The following PDE7A variants were observed in gnomAD, a reference collection of about 807,000 sequenced individuals.
The protein encoded by PDE7A is phosphodiesterase 7A.
Under a neutral mutation model 64.3 loss-of-function variants are expected in PDE7A, and 39 were observed. The observed-to-expected ratio is 0.61, with a 90% CI of 0.47 to 0.79. The LOEUF (loss-of-function observed/expected upper bound fraction) is 0.79. PDE7A is among the 30% of genes least tolerant of loss of function. The pLI is 0.00. For missense variants in PDE7A, 470 were observed against 582.8 expected (o/e 0.81, Z 1.99); for synonymous variants, 203 against 206.8 (o/e 0.98, Z 0.16).
chr8:65,807,414 G>A (rs888372822), intron 1 of PDE7A, among the ~76,000 whole-genome samples: 2 of 152,136 alleles, frequency 1.3e-5, no homozygotes, highest in Non-Finnish European at 1.5e-5. Flanking sequence ...ATTTATTAGT[G>A]CTAAAATTTC....
At position 65,745,461 on chromosome 8, in the gene PDE7A, C is replaced by A; in HGVS notation, c.445G>T (p.Glu149Ter). 6.5e-7 allele frequency: 1 copy of A among 1,547,054 alleles called. No homozygotes were observed. Among genetic ancestry groups the A allele is most frequent in the South Asian group, 1.1e-5 (1 of 89,694 alleles). The part of the protein sequence containing the change: ...DYNGQAKCML[E>*]KVGNWNFDIF... ...TCAAAATTCCAATTTCCAACTTTTT[C>A]CAGCATACACTGAAATGAAAACCAA... The change falls in exon 5 of 13, where the codon GAA becomes TAA. Residue 149 changes from glutamate (E) to a stop codon, truncating the protein, a stop_gained. Transcript: ENST00000401827. LOFTEE classifies it high-confidence loss of function.
At chr8:65,731,589 G>C (rs184800572) in intron 7 of PDE7A, 3 of 152,266 alleles carry the variant, frequency 2.0e-5, no homozygotes, top group Admixed American at 2.0e-4. Flanking sequence ...GAGACTTTGG[G>C]CTCAACTTGA....
At chr8:65,841,227 G>C (rs1811078500) in intron 1 of PDE7A, 144 bp downstream of exon 1, 3 of 930,166 alleles carry the variant, frequency 3.2e-6, no homozygotes, top group Non-Finnish European at 4.4e-6. Flanking sequence ...TCAAAGAAAA[G>C]GCTCTGCAAT....
In PDE7A at chr8:65,717,208, C is replaced by T. The variant is rs1421843819; in HGVS notation, c.*2082G>A. On this transcript the variant is annotated 3_prime_UTR_variant, in exon 13 of 13. Coordinates refer to ENST00000401827, the MANE Select transcript of PDE7A (RefSeq NM_001242318.3). Reference sequence around the variant, plus strand: ...TATTGGACATCAACACTCTTCTGTACAAATAATATGTTAATGTGTTTGATT... The same window carrying T: ...TATTGGACATCAACACTCTTCTGTATAAATAATATGTTAATGTGTTTGATT... Among the ~76,000 whole-genome samples the T allele has an allele frequency of 1.3e-5, 2 of 152,148 alleles. No individual in the cohort carries two copies. The highest frequency in any genetic ancestry group is 2.1e-4 in the South Asian group (1 of 4,830).
intron 1 of PDE7A, among the ~76,000 whole-genome samples, chr8:65,831,728 C>G (rs1006573657): frequency 6.6e-6 from 1 of 151,992 alleles, no homozygotes; most frequent in South Asian, 2.1e-4. Context: ...TATCTAAATA[C>G]CTTTCAAGCT....
At chr8:65,839,830 C>CA (rs766417829) in intron 1 of PDE7A, among the ~76,000 whole-genome samples, 80 of 152,222 alleles carry the variant, frequency 5.3e-4, no homozygotes, top group Non-Finnish European at 5.0e-4. Flanking sequence ...TCATTTTAAT[C>CA]CCTTGGAATC....
At chr8:65,730,171 C>CTTTTTTTTTTTTTTTTTTTTTTTT (rs1179431555) in intron 7 of PDE7A, among the ~76,000 whole-genome samples, 3 of 86,432 alleles carry the variant, frequency 3.5e-5, no homozygotes, top group South Asian at 9.5e-4. Flanking sequence ...TTGCGCACTT[C>CTTTTTTTTTTTTTTTTTTTTTTTT]TTTTTTTTTT....
rs903983116 is a variant in PDE7A, at chr8:65,827,734, G to A, written c.138+13637C>T. ...TCCTACATATTTAGTACAGTAACAT[G>A]CAGTACAGGTTTGCAGCCTAGAAGC... On this transcript the variant is annotated intron_variant, in intron 1 of 12. Coordinates refer to ENST00000401827, the MANE Select transcript of PDE7A (RefSeq NM_001242318.3). 5.3e-5 allele frequency among the ~76,000 whole-genome samples: 8 copies of A among 152,140 alleles called. No homozygotes were observed. The East Asian group carries it at 1.5e-3, about 29-fold the overall frequency.
intron 1 of PDE7A, among the ~76,000 whole-genome samples, chr8:65,807,490 C>G (rs181446502): frequency 2.6e-4 from 40 of 152,120 alleles, no homozygotes; most frequent in Admixed American, 2.0e-3. Context: ...GATAGTTTTA[C>G]TTTTTCCTTT....
At chr8:65,839,921 CT>C (rs1379872164) in intron 1 of PDE7A, among the ~76,000 whole-genome samples, 4 of 152,256 alleles carry the variant, frequency 2.6e-5, no homozygotes, top group Non-Finnish European at 5.9e-5. Flanking sequence ...CAGTGATTGC[CT>C]TTATTATTCA....
intron 3 of PDE7A, among the ~76,000 whole-genome samples, chr8:65,755,796 T>C (rs1296346546): frequency 1.3e-5 from 2 of 152,216 alleles, no homozygotes; most frequent in Admixed American, 1.3e-4. Context: ...ATTTCTTTCT[T>C]ATTCTCTTTG....
chr8:65,811,218 A>G (rs891337570), intron 1 of PDE7A, among the ~76,000 whole-genome samples: 1 of 152,220 alleles, frequency 6.6e-6, no homozygotes, highest in Non-Finnish European at 1.5e-5. Flanking sequence ...TCAAGGAGGT[A>G]ACTAAAGAGA....
intron 3 of PDE7A, among the ~76,000 whole-genome samples, chr8:65,753,953 GGTT>G (rs1451134042): frequency 6.6e-6 from 1 of 151,436 alleles, no homozygotes; most frequent in African/African-American, 2.4e-5. Flanking sequence ...GATCTCTTTT[GGTT>G]ATTATCTGCA....
At chr8:65,769,697 A>G (rs917373932) in intron 3 of PDE7A, among the ~76,000 whole-genome samples, 2 of 152,202 alleles carry the variant, frequency 1.3e-5, no homozygotes, top group Non-Finnish European at 2.9e-5. Context: ...GGAGTTTGAC[A>G]CCAGCCTGGC....
chr8:65,769,508 A>G (rs1222478356), intron 3 of PDE7A, among the ~76,000 whole-genome samples: 1 of 152,214 alleles, frequency 6.6e-6, no homozygotes, highest in Admixed American at 6.5e-5. Context: ...AACCACGAAT[A>G]CAAGTTAGTT....
At chr8:65,810,007 C>A (rs924946970) in intron 1 of PDE7A, among the ~76,000 whole-genome samples, 1 of 152,058 alleles carries the variant, frequency 6.6e-6, no homozygotes, top group East Asian at 1.9e-4. Context: ...GTATATACCC[C>A]AAGGATTATA....
chr8:65,720,627 A>T (rs1389364651), intron 12 of PDE7A: 1 of 152,974 alleles, frequency 6.5e-6, no homozygotes, highest in Non-Finnish European at 1.5e-5. Flanking sequence ...TCATTGATCC[A>T]TTCCCTCCAC....
At chr8:65,737,945 G>C (rs1807222307) in intron 6 of PDE7A, among the ~76,000 whole-genome samples, 1 of 152,040 alleles carries the variant, frequency 6.6e-6, no homozygotes, top group Non-Finnish European at 1.5e-5. Context: ...ACTTAAAATT[G>C]AAAGATTTTA....
At chr8:65,761,992 G>C (rs1035799047) in intron 3 of PDE7A, among the ~76,000 whole-genome samples, 1 of 152,164 alleles carries the variant, frequency 6.6e-6, no homozygotes, top group African/African-American at 2.4e-5. Context: ...TGGCTCTTGA[G>C]ACCCGACCAC....
Sources: allele counts gnomAD v4.1 joint callset (sites outside exome capture counted in the v4.1 genomes callset), GRCh38; gene constraint gnomAD v4.1.1; transcripts MANE v1.5; gene names NCBI Gene and HGNC (gene_info 2026-07-23, HGNC 2026-07-21).